RPA1: variants seen among roughly 807,000 people sequenced by gnomAD.
RPA1 encodes replication protein A1, also known as replication protein A 70 kDa DNA-binding subunit.
A neutral mutation model predicts 83.0 loss-of-function variants in RPA1; 49 were observed. The ratio of observed to expected loss-of-function variants is 0.59; its 90% CI spans 0.47 to 0.75. The LOEUF is 0.75. Ranked by LOEUF, RPA1 falls within the 30% of genes least tolerant of loss-of-function variation. The pLI is 0.00. For synonymous variants in RPA1, 279 were observed against 281.8 expected (o/e 0.99, Z 0.10); for missense variants, 693 against 776.1 (o/e 0.89, Z 1.27).
At position 1,866,618 on chromosome 17, in the gene RPA1, C is replaced by T. The variant is rs190662712; in HGVS notation, c.362-5816C>T. Among the ~76,000 whole-genome samples the T allele has an allele frequency of 3.7e-3, 561 of 152,190 alleles. 1 individual carries two copies. The highest frequency in any genetic ancestry group is 6.9e-3 in the Admixed American group (106 of 15,290). On this transcript the variant is annotated intron_variant, in intron 5 of 16. Transcript: ENST00000254719. ...AGGCGTGGGCCACTGCGCCCGGCCACCGGCTAATTTTTTTATATTTTTAAT... is the reference window on the plus strand; with the variant it reads ...AGGCGTGGGCCACTGCGCCCGGCCATCGGCTAATTTTTTTATATTTTTAAT...
intron 5 of RPA1, among the ~76,000 whole-genome samples, chr17:1,855,830 T>A (rs1260846056): frequency 6.6e-6 from 1 of 151,816 alleles, no homozygotes; most frequent in African/African-American, 2.4e-5. Context: ...TTTTTTTTTT[T>A]AATGGAAAAG....
chr17:1,872,246 G>T (rs1913399777), intron 5 of RPA1, 188 bp from the exon 6 acceptor site: 3 of 818,132 alleles, frequency 3.7e-6, no homozygotes, highest in South Asian at 1.9e-5. Context: ...TTTGTGTAAT[G>T]AAAACAAAAA....
At chr17:1,834,814 A>G (rs1255992792) in intron 1 of RPA1, among the ~76,000 whole-genome samples, 3 of 152,122 alleles carry the variant, frequency 2.0e-5, no homozygotes, top group Non-Finnish European at 4.4e-5. Flanking sequence ...CATGGGGTGA[A>G]GATTTGAACA....
intron 5 of RPA1, chr17:1,858,549 C>CG (rs1043902047): frequency 2.0e-5 from 14 of 687,806 alleles, no homozygotes; most frequent in Non-Finnish European, 3.1e-5. Context: ...CTGCAGCCTC[C>CG]GCCTCCCGGG....
intron 1 of RPA1, among the ~76,000 whole-genome samples, chr17:1,835,398 T>C (rs773058225): frequency 1.3e-5 from 2 of 152,034 alleles, no homozygotes; most frequent in African/African-American, 4.8e-5. Context: ...CTCCAAACAG[T>C]TCTCCTGCCT....
rs763263141 is a variant in RPA1 at position 1,888,711 on chromosome 17, C to G, written c.1411C>G (p.Leu471Val). 11 of 1,614,138 alleles carry G rather than the reference C, an allele frequency of 6.8e-6. No homozygotes were observed. Among genetic ancestry groups the G allele is most frequent in the Middle Eastern group, 1.7e-4 (1 of 6,052 alleles). Residue 471 changes from leucine to valine, a missense_variant, in exon 14 of 17, where the codon CTT becomes GTT. By Grantham distance (32) the Leu-to-Val change is conservative. Coordinates refer to ENST00000254719, the MANE Select transcript of RPA1 (RefSeq NM_002945.5). ...YFSSVATVVY[L>V]RKENCMYQAC... is the part of the protein sequence containing the mutation. ...TAGTTCTGTGGCCACAGTGGTGTATCTTCGCAAAGAGAACTGCATGTACCA... is the reference window on the plus strand; with the variant it reads ...TAGTTCTGTGGCCACAGTGGTGTATGTTCGCAAAGAGAACTGCATGTACCA...
At position 1,900,029 on chromosome 17, in the gene RPA1, T is replaced by G. The variant is rs1194235902; in HGVS notation, c.*2854T>G. 1 of 152,216 alleles carries G rather than the reference T, an allele frequency of 6.6e-6. No individual in the cohort carries two copies. The highest frequency in any genetic ancestry group is 1.5e-5 in the Non-Finnish European group (1 of 68,032). The allele number at this position is 152,216 out of a possible 1,614,324, so 9.4% of individuals were successfully genotyped here. On this transcript the variant is annotated 3_prime_UTR_variant, in exon 17 of 17. Transcript: ENST00000254719. Reference sequence around the variant, plus strand: ...TCATCGGTTCCTCAAAAAGAGAGCATAGATGTTTAATTTTCACTTATTCAA... The same window carrying G: ...TCATCGGTTCCTCAAAAAGAGAGCAGAGATGTTTAATTTTCACTTATTCAA...
At chr17:1,847,971 C>T (rs913160127) in intron 4 of RPA1, among the ~76,000 whole-genome samples, 3 of 151,286 alleles carry the variant, frequency 2.0e-5, no homozygotes, top group Non-Finnish European at 4.4e-5. Context: ...TGCAGTGAGC[C>T]GAGACTCCAG....
chr17:1,865,903 A>G (rs1913158467), intron 5 of RPA1, among the ~76,000 whole-genome samples: 1 of 152,090 alleles, frequency 6.6e-6, no homozygotes, highest in Non-Finnish European at 1.5e-5. Context: ...CCAAAGTGCT[A>G]GGATTACAGG....
In RPA1 at chr17:1,884,964, T is replaced by C. The variant is rs1467542248; in HGVS notation, c.1374+1020T>C. 6.6e-6 allele frequency among the ~76,000 whole-genome samples: 1 copy of C among 152,238 alleles called. No homozygotes were observed. The highest frequency in any genetic ancestry group is 1.5e-5 in the Non-Finnish European group (1 of 68,048). Reference sequence around the variant, plus strand: ...GCGATGGTTGCTGAACATCGGCGTGTCTTTGGCAGTTTCTTAAAATAAGAC... The same window carrying C: ...GCGATGGTTGCTGAACATCGGCGTGCCTTTGGCAGTTTCTTAAAATAAGAC... On this transcript the variant is annotated intron_variant, in intron 13 of 16. Transcript: ENST00000254719. This position sits in a 1 kb window ranked among gnomAD's most constrained non-coding sequence, Gnocchi z 4.1.
Position 1,879,647 on chromosome 17 carries a change from A to G in RPA1, c.1040A>G (p.Tyr347Cys). 1.2e-6 allele frequency: 2 copies of G among 1,614,228 alleles called. No individual in the cohort carries two copies. Among genetic ancestry groups the G allele is most frequent in the Non-Finnish European group, 1.7e-6 (2 of 1,180,032 alleles). Reference protein sequence around the residue: ...NNREVAKRNIYLMDTSGKVVT... With the variant: ...NNREVAKRNICLMDTSGKVVT... ...AGAGAAGTTGCCAAGAGGAATATCT[A>G]CTTGATGGACACATCCGGGAAGGTG... Residue 347 changes from tyrosine (Y) to cysteine (C), a missense_variant, in exon 11 of 17, where the codon TAC becomes TGC. Physicochemically the swap from Tyr to Cys is radical, Grantham distance 194 (BLOSUM62 -2). Transcript: ENST00000254719.
chr17:1,880,350 C>T (rs1389354775), intron 11 of RPA1, among the ~76,000 whole-genome samples, 193 bp from the exon 12 acceptor site: 1 of 152,178 alleles, frequency 6.6e-6, no homozygotes, highest in African/African-American at 2.4e-5. Flanking sequence ...GCTCTTTCCC[C>T]TAACTCTAGG....
chr17:1,862,569 C>A (rs1373145603), intron 5 of RPA1, among the ~76,000 whole-genome samples: 1 of 151,632 alleles, frequency 6.6e-6, no homozygotes, highest in Non-Finnish European at 1.5e-5. Flanking sequence ...CAGGCACACA[C>A]CACCATGCCC....
At chr17:1,872,232 A>G in intron 5 of RPA1, 2 of 701,584 alleles carry the variant, frequency 2.9e-6, no homozygotes, top group African/African-American at 1.8e-5. Flanking sequence ...GATGGAGCCA[A>G]CCTTTTGTGT....
intron 1 of RPA1, among the ~76,000 whole-genome samples, chr17:1,838,603 CAAAA>C (rs60835355): frequency 2.7e-5 from 3 of 110,776 alleles, no homozygotes; most frequent in South Asian, 2.8e-4. Context: ...AACTCAGTCT[CAAAA>C]AAAAAAAAAA....
At position 1,874,450 on chromosome 17, in the gene RPA1, G is replaced by C. The variant is rs8081207; in HGVS notation, c.455-1211G>C. Among the ~76,000 whole-genome samples the C allele has an allele frequency of 6.0e-3, 915 of 152,282 alleles. 11 individuals carry two copies. Among genetic ancestry groups the C allele is most frequent in the African/African-American group, 0.021 (868 of 41,560 alleles). On this transcript the variant is annotated intron_variant, in intron 6 of 16. Coordinates refer to ENST00000254719, the MANE Select transcript of RPA1 (RefSeq NM_002945.5). ...GAGCTCAGGAGTTTGAGGCTGCAGCGAGCTAAGATCGTGCCACCTGCACTC... is the reference window on the plus strand; with the variant it reads ...GAGCTCAGGAGTTTGAGGCTGCAGCCAGCTAAGATCGTGCCACCTGCACTC...
Position 1,884,809 on chromosome 17 carries a change from G to A in RPA1, c.1374+865G>A, listed in dbSNP as rs142719891. 6.6e-6 allele frequency among the ~76,000 whole-genome samples: 1 copy of A among 152,146 alleles called. No homozygotes were observed. Among genetic ancestry groups the A allele is most frequent in the African/African-American group, 2.4e-5 (1 of 41,434 alleles). ...GTGGATTACATGAGCCCAGGAGTTCGACTGAGCAACATGGAAGACCCCTTC... is the reference window on the plus strand; with the variant it reads ...GTGGATTACATGAGCCCAGGAGTTCAACTGAGCAACATGGAAGACCCCTTC... On this transcript the variant is annotated intron_variant, in intron 13 of 16. Coordinates refer to ENST00000254719, the MANE Select transcript of RPA1 (RefSeq NM_002945.5). This position sits in a 1 kb window ranked among gnomAD's most constrained non-coding sequence, Gnocchi z 4.1.
intron 7 of RPA1, 88 bp downstream of exon 7, chr17:1,875,881 C>A: frequency 7.7e-7 from 1 of 1,301,478 alleles, no homozygotes. Flanking sequence ...GCGTGAACTT[C>A]AGGGTCACCA....
intron 13 of RPA1, among the ~76,000 whole-genome samples, chr17:1,885,997 A>C (rs1032223043): frequency 5.3e-5 from 8 of 152,018 alleles, no homozygotes; most frequent in Admixed American, 4.6e-4. Flanking sequence ...TCAATATATT[A>C]ATCTCCTTGT....
Sources: gnomAD v4.1 joint callset for allele counts (sites outside exome capture counted in the v4.1 genomes callset) on GRCh38, gnomAD v4.1.1 for gene constraint, Gnocchi (gnomAD v3.1) non-coding constraint, MANE v1.5 for transcripts, NCBI Gene and HGNC (gene_info 2026-07-23, HGNC 2026-07-21) for gene names.